RPS6KC1: variants seen among roughly 807,000 people sequenced by gnomAD.
RPS6KC1 encodes the protein ribosomal protein S6 kinase C1.
RPS6KC1 carries 54 observed loss-of-function variants against 103.8 expected under a neutral mutation model. The observed-to-expected ratio is 0.52, with a 90% CI of 0.42 to 0.65. The LOEUF (loss-of-function observed/expected upper bound fraction) is 0.65, where lower values mean the gene tolerates loss of function less well. RPS6KC1 is among the 30% of genes least tolerant of loss of function. The pLI is 0.00. For synonymous variants in RPS6KC1, 439 were observed against 438.7 expected (o/e 1.00, Z -0.01); for missense variants, 1,151 against 1,253.8 (o/e 0.92, Z 1.24).
At chr1:213,316,620 G>T in the RPS6KC1 span, among the ~76,000 whole-genome samples, 1 of 152,010 alleles carries the variant, frequency 6.6e-6, no homozygotes, top group Non-Finnish European at 1.5e-5. Context: ...GGCAGATGAT[G>T]AACAAATTAA....
rs376958657 is a variant in RPS6KC1, at chr1:213,129,749, C to T, written c.695C>T (p.Pro232Leu). Residue 232 changes from proline (P) to leucine (L), a missense_variant, in exon 6 of 15, where the codon CCG becomes CTG. Around this residue, in one of 3 missense-constraint regions of RPS6KC1, gnomAD observed 959 missense variants for 1,006.3 expected, o/e 0.95. Coordinates refer to ENST00000366960, the MANE Select transcript of RPS6KC1 (RefSeq NM_012424.6). Reference protein sequence around the residue: ...SRSLFPGSLKPKLGKRDYLEK... With the variant: ...SRSLFPGSLKLKLGKRDYLEK... Reference sequence around the variant, plus strand: ...AGCCTCTTTCCTGGCAGTTTAAAGCCGAAGCTTGGCAAGAGAGATTATTTG... The same window carrying T: ...AGCCTCTTTCCTGGCAGTTTAAAGCTGAAGCTTGGCAAGAGAGATTATTTG... The T allele has an allele frequency of 2.5e-5, 41 of 1,613,778 alleles. No homozygotes were observed. The Admixed American group carries it at 2.7e-4, about 11-fold the overall frequency.
At chr1:213,401,872 T>C in the RPS6KC1 span, among the ~76,000 whole-genome samples, 1 of 152,146 alleles carries the variant, frequency 6.6e-6, no homozygotes, top group African/African-American at 2.4e-5. Context: ...TTGCAGCCTC[T>C]ATCTCCTGGG....
At chr1:213,422,005 T>C in the RPS6KC1 span, among the ~76,000 whole-genome samples, 2 of 152,238 alleles carry the variant, frequency 1.3e-5, no homozygotes, top group Non-Finnish European at 2.9e-5. Context: ...CTCACTTTTT[T>C]TTGGTATTAT....
the RPS6KC1 span, among the ~76,000 whole-genome samples, chr1:213,657,395 G>A: frequency 6.6e-6 from 1 of 152,012 alleles, no homozygotes; most frequent in Non-Finnish European, 1.5e-5. Context: ...ATGAAGAATT[G>A]GAGGGTAATT....
the RPS6KC1 span, among the ~76,000 whole-genome samples, chr1:213,578,669 C>T: frequency 1.3e-5 from 2 of 150,692 alleles, no homozygotes; most frequent in African/African-American, 4.8e-5. Flanking sequence ...TGCATGGGGC[C>T]TGTAGCCCCT....
the RPS6KC1 span, among the ~76,000 whole-genome samples, chr1:213,653,014 A>G: frequency 1.3e-5 from 2 of 152,230 alleles, no homozygotes; most frequent in African/African-American, 4.8e-5. Context: ...TAGCACTTTG[A>G]CAGTAAAAAT....
In RPS6KC1 at chr1:213,141,510, T is replaced by C. The variant is rs2087028376; in HGVS notation, c.835+11621T>C. 3.9e-5 allele frequency among the ~76,000 whole-genome samples: 6 copies of C among 152,034 alleles called. No homozygotes were observed. The Admixed American group carries it at 3.9e-4, about 10-fold the overall frequency. On this transcript the variant is annotated intron_variant, in intron 6 of 14. Coordinates refer to ENST00000366960, the MANE Select transcript of RPS6KC1 (RefSeq NM_012424.6). ...TTGGTCATTTCTGATTGTGTTTATT[T>C]GGATATTTTCCCTTTTTTTCTTTTT...
At chr1:213,573,940 G>T in the RPS6KC1 span, among the ~76,000 whole-genome samples, 2 of 152,192 alleles carry the variant, frequency 1.3e-5, no homozygotes, top group African/African-American at 4.8e-5. Flanking sequence ...TGGGCAGGTG[G>T]CCAGACAGGC....
At chr1:213,799,886 T>C in the RPS6KC1 span, among the ~76,000 whole-genome samples, 3 of 152,022 alleles carry the variant, frequency 2.0e-5, no homozygotes, top group African/African-American at 7.2e-5. Context: ...AATGACATTC[T>C]TTTTTTTCCC....
intron 1 of RPS6KC1, among the ~76,000 whole-genome samples, chr1:213,060,384 CAA>C (rs1056541671): frequency 2.0e-5 from 3 of 152,034 alleles, no homozygotes; most frequent in African/African-American, 7.2e-5. Flanking sequence ...TTTCAACAAA[CAA>C]AATAATCATA....
rs1406619916 is a variant in RPS6KC1, at chr1:213,273,230, ACT to A, written c.*599_*600del. The A allele has an allele frequency of 3.9e-5, 6 of 152,804 alleles. No homozygotes were observed. The highest frequency in any genetic ancestry group is 9.7e-5 in the African/African-American group (4 of 41,414). The allele number at this position is 152,804 out of a possible 1,614,324, so 9.5% of individuals were successfully genotyped here. ...AGACACTCCATGTTGTCAGCTTTGT[ACT>A]CTTTGTTGATACTGCTTATTTAGAG... On this transcript the variant is annotated 3_prime_UTR_variant, in exon 15 of 15. Transcript: ENST00000366960.
chr1:213,542,118 G>C, the RPS6KC1 span, among the ~76,000 whole-genome samples: 2 of 152,136 alleles, frequency 1.3e-5, no homozygotes, highest in African/African-American at 4.8e-5. Flanking sequence ...ACTTATAAAA[G>C]TCTCCACATG....
chr1:213,408,326 A>G, the RPS6KC1 span, among the ~76,000 whole-genome samples: 1 of 152,214 alleles, frequency 6.6e-6, no homozygotes, highest in East Asian at 1.9e-4. Context: ...ATGTGCCTAT[A>G]TCCTTCTGGA....
At chr1:213,341,491 G>A in the RPS6KC1 span, among the ~76,000 whole-genome samples, 10 of 152,174 alleles carry the variant, frequency 6.6e-5, no homozygotes, top group Non-Finnish European at 4.4e-5. Context: ...ACATGAGAGA[G>A]GCCACATAGA....
chr1:213,663,884 C>T, the RPS6KC1 span, among the ~76,000 whole-genome samples: 2 of 152,166 alleles, frequency 1.3e-5, no homozygotes, highest in Non-Finnish European at 2.9e-5. Context: ...AGCTGCAGTC[C>T]AAGGCAGACA....
chr1:213,862,303 C>T, the RPS6KC1 span, among the ~76,000 whole-genome samples: 1 of 152,140 alleles, frequency 6.6e-6, no homozygotes, highest in Non-Finnish European at 1.5e-5. Context: ...GAATAGAATC[C>T]TTCCAGGCCC....
intron 8 of RPS6KC1, among the ~76,000 whole-genome samples, chr1:213,195,361 C>A (rs2092906854): frequency 6.6e-6 from 1 of 152,092 alleles, no homozygotes; most frequent in South Asian, 2.1e-4. Flanking sequence ...ATGGAAGGTA[C>A]GTGGGAATTT....
the RPS6KC1 span, among the ~76,000 whole-genome samples, chr1:213,328,469 T>A: frequency 1.4e-5 from 2 of 146,290 alleles, no homozygotes; most frequent in South Asian, 4.4e-4. Context: ...ATCGTCTGTG[T>A]TCAACTTAGT....
At chr1:213,645,636 A>G in the RPS6KC1 span, among the ~76,000 whole-genome samples, 5 of 152,142 alleles carry the variant, frequency 3.3e-5, no homozygotes, top group Admixed American at 3.3e-4. Flanking sequence ...AGTGTTAGAG[A>G]CAGAGGGAGG....
Sources: allele counts gnomAD v4.1 joint callset (sites outside exome capture counted in the v4.1 genomes callset), GRCh38; gene constraint gnomAD v4.1.1; regional missense constraint gnomAD v4.1.1; transcripts MANE v1.5; gene names NCBI Gene and HGNC (gene_info 2026-07-23, HGNC 2026-07-21).